The following PLCXD2 variants were observed in gnomAD, a reference collection of about 807,000 sequenced individuals.
PLCXD2 encodes PI-PLC X domain-containing protein 2.
A neutral mutation model predicts 28.6 loss-of-function variants in PLCXD2; 21 were observed. The ratio of observed to expected loss-of-function variants is 0.73; its 90% CI spans 0.52 to 1.06. The LOEUF is 1.06. Ranked by LOEUF, PLCXD2 falls within the 50% of genes least tolerant of loss-of-function variation. PLCXD2 has a pLI of 0.00. For missense variants in PLCXD2, 369 were observed against 376.7 expected (o/e 0.98, Z 0.17); for synonymous variants, 140 against 150.1 (o/e 0.93, Z 0.49).
intron 1 of PLCXD2, among the ~76,000 whole-genome samples, chr3:111,675,934 A>G (rs1395348452): frequency 1.3e-5 from 2 of 152,208 alleles, no homozygotes; most frequent in Admixed American, 1.3e-4. Context: ...AGAAAGCCAG[A>G]ATAGAGAATG....
At chr3:111,706,692 C>T (rs1031363104) in intron 1 of PLCXD2, among the ~76,000 whole-genome samples, 4 of 150,478 alleles carry the variant, frequency 2.7e-5, no homozygotes, top group African/African-American at 4.9e-5. Context: ...AGAAAACTCA[C>T]TTCACCTGTA....
At chr3:111,701,565 G>A (rs1017041844) in intron 1 of PLCXD2, among the ~76,000 whole-genome samples, 4 of 152,118 alleles carry the variant, frequency 2.6e-5, no homozygotes, top group African/African-American at 9.7e-5. Flanking sequence ...TTTGGAAGGC[G>A]GGAAGTGGGA....
At chr3:111,692,555 C>T in intron 1 of PLCXD2, 1 of 152,132 alleles carries the variant, frequency 6.6e-6, no homozygotes, top group East Asian at 1.9e-4. Flanking sequence ...AAGGGTCCAG[C>T]AATATTTTTT....
intron 1 of PLCXD2, among the ~76,000 whole-genome samples, chr3:111,677,679 G>C (rs1279278662): frequency 6.6e-6 from 1 of 152,228 alleles, no homozygotes; most frequent in Admixed American, 6.5e-5. Flanking sequence ...CCCCTGTGTA[G>C]CTGCAAAACC....
intron 1 of PLCXD2, among the ~76,000 whole-genome samples, chr3:111,694,008 G>T (rs146325978): frequency 6.6e-6 from 1 of 152,248 alleles, no homozygotes; most frequent in African/African-American, 2.4e-5. Context: ...CCTTCAAGCT[G>T]TCGCTTTAAA....
At chr3:111,688,271 T>G (rs1033654363) in intron 1 of PLCXD2, among the ~76,000 whole-genome samples, 1 of 152,210 alleles carries the variant, frequency 6.6e-6, no homozygotes, top group Non-Finnish European at 1.5e-5. Flanking sequence ...GATAATTTGC[T>G]AGGAAGATTG....
intron 1 of PLCXD2, among the ~76,000 whole-genome samples, chr3:111,690,624 C>T (rs1940861943): frequency 6.6e-6 from 1 of 152,212 alleles, no homozygotes. Context: ...GTGTAATGTA[C>T]AAATTCCCTT....
At chr3:111,710,047 T>A (rs563954115) in intron 2 of PLCXD2, among the ~76,000 whole-genome samples, 51 of 152,248 alleles carry the variant, frequency 3.3e-4, no homozygotes, top group Middle Eastern at 3.4e-3. Context: ...ATGGATATGA[T>A]TTGGGGTATG....
At chr3:111,689,677 C>T (rs1384330474) in intron 1 of PLCXD2, among the ~76,000 whole-genome samples, 8 of 151,838 alleles carry the variant, frequency 5.3e-5, no homozygotes, top group Admixed American at 5.3e-4. Context: ...AGAATAAGCA[C>T]CTTATGATAA....
intron 3 of PLCXD2, among the ~76,000 whole-genome samples, chr3:111,717,010 CT>C (rs1317365402): frequency 6.6e-6 from 1 of 152,148 alleles, no homozygotes; most frequent in Non-Finnish European, 1.5e-5. Context: ...TCTGATGACA[CT>C]TTGATCTTGG....
intron 1 of PLCXD2, among the ~76,000 whole-genome samples, chr3:111,703,282 G>A (rs1157160677): frequency 1.3e-5 from 2 of 152,172 alleles, no homozygotes; most frequent in Admixed American, 1.3e-4. Context: ...AATGAAAAGA[G>A]AACAAAGAGG....
At chr3:111,723,220 T>C (rs1454599586) in intron 3 of PLCXD2, 1 of 152,246 alleles carries the variant, frequency 6.6e-6, no homozygotes, top group Non-Finnish European at 1.5e-5. Flanking sequence ...GGAGAATTAC[T>C]GTTCTCTGTT....
At chr3:111,688,946 T>C (rs1940835754) in intron 1 of PLCXD2, among the ~76,000 whole-genome samples, 1 of 152,108 alleles carries the variant, frequency 6.6e-6, no homozygotes, top group African/African-American at 2.4e-5. Context: ...ACTTAATATA[T>C]ACCTAATATC....
intron 1 of PLCXD2, among the ~76,000 whole-genome samples, chr3:111,695,385 A>G (rs146727568): frequency 6.6e-6 from 1 of 152,340 alleles, no homozygotes; most frequent in Non-Finnish European, 1.5e-5. Context: ...CCTATGATAA[A>G]GTTTAATTTA....
rs143931101 is a variant in PLCXD2, at chr3:111,708,005, C to T, written c.243C>T (p.Leu81=). ...ACCAAACCCAAGCTATCAAACGCCT[C>T]GCCAGGATCTCCTTGGTGAAGAAGC... The change falls in exon 2 of 5, where the codon CTC becomes CTT. Residue 81 remains leucine (L), a synonymous_variant. Coordinates refer to ENST00000477665, the MANE Select transcript of PLCXD2 (RefSeq NM_001185106.1). The T allele has an allele frequency of 4.2e-4, 682 of 1,614,162 alleles. 5 individuals are homozygous for T. In the Middle Eastern group the frequency reaches 4.5e-3, roughly 11 times the overall value.
chr3:111,725,413 G>T (rs1040292499), intron 3 of PLCXD2: 2 of 374,700 alleles, frequency 5.3e-6, no homozygotes, highest in African/African-American at 4.2e-5. Flanking sequence ...AACTGTTTGA[G>T]TGATAAGTAA....
At chr3:111,709,464 A>G (rs1285623338) in intron 2 of PLCXD2, among the ~76,000 whole-genome samples, 5 of 127,640 alleles carry the variant, frequency 3.9e-5, no homozygotes, top group Non-Finnish European at 6.3e-5. Flanking sequence ...ATGTGTGTGT[A>G]TATACACACA....
At chr3:111,675,556 G>C in intron 1 of PLCXD2, 148 bp downstream of exon 1, 1 of 872,440 alleles carries the variant, frequency 1.1e-6, no homozygotes, top group South Asian at 1.4e-5. Context: ...CACTGAAGCA[G>C]CTGCTTTAAA....
At chr3:111,724,193 A>G (rs1440211466) in intron 3 of PLCXD2, 1 of 152,216 alleles carries the variant, frequency 6.6e-6, no homozygotes, top group Non-Finnish European at 1.5e-5. Context: ...TTGAACATTA[A>G]ATTTTAAATT....
Sources: allele counts gnomAD v4.1 joint callset (sites outside exome capture counted in the v4.1 genomes callset), GRCh38; gene constraint gnomAD v4.1.1; transcripts MANE v1.5; gene names NCBI Gene and HGNC (gene_info 2026-07-23, HGNC 2026-07-21).